ANO7: variants seen among roughly 807,000 people sequenced by gnomAD.
ANO7 encodes anoctamin-7.
A neutral mutation model predicts 115.8 loss-of-function variants in ANO7; 114 were observed. That is an observed-to-expected ratio of 0.98 (90% CI 0.85 to 1.15). The LOEUF is 1.15. Ranked by LOEUF, ANO7 falls within the 50% of genes most tolerant of loss-of-function variation. The pLI is 0.00. For missense variants in ANO7, 1,302 were observed against 1,201.2 expected, an observed-to-expected ratio of 1.08 and a Z score of -1.24; for synonymous variants, 550 against 498.2, an observed-to-expected ratio of 1.10 and a Z score of -1.38.
chr2:241,189,520 G>A (rs1229611774), intron 1 of ANO7, among the ~76,000 whole-genome samples: 2 of 152,128 alleles, frequency 1.3e-5, no homozygotes, highest in African/African-American at 4.8e-5. Flanking sequence ...GGTGCGGGAG[G>A]AAGCTGGGAC....
the ANO7 span, chr2:241,236,591 G>C: frequency 6.2e-7 from 1 of 1,612,226 alleles, no homozygotes; most frequent in Non-Finnish European, 8.5e-7. Flanking sequence ...GGCGGGGGGT[G>C]GAGGGGGGCA....
chr2:241,217,916 G>T lies in ANO7; in HGVS notation c.2178+25G>T. On this transcript the variant is annotated intron_variant, in intron 20 of 24. Transcript: ENST00000674324. ...CGTGAGGCCCGGGCGGGAGCGCGGG[G>T]CGGGGCGGGGGCGCGCAGGGGCGGG... The T allele has an allele frequency of 2.2e-6, 3 of 1,379,048 alleles. No individual in the cohort carries two copies. In the South Asian group the frequency reaches 4.1e-5, roughly 19 times the overall value. 85.4% of individuals were successfully genotyped at this position (1,379,048 alleles called of 1,614,324 possible).
intron 11 of ANO7, 118 bp from the exon 12 acceptor site, chr2:241,209,167 T>C (rs769781328): frequency 3.0e-5 from 38 of 1,247,692 alleles, no homozygotes; most frequent in Non-Finnish European, 4.0e-5. Flanking sequence ...AAACAAAAAA[T>C]ACACAGTCGG....
chr2:241,222,898 T>G (rs1182899426), intron 21 of ANO7, among the ~76,000 whole-genome samples: 1 of 152,174 alleles, frequency 6.6e-6, no homozygotes, highest in East Asian at 1.9e-4. Context: ...CTGTCACATC[T>G]ACTAGAAAAT....
At chr2:241,236,267 C>T in the ANO7 span, 2 of 317,458 alleles carry the variant, frequency 6.3e-6, no homozygotes, top group South Asian at 4.2e-5. Flanking sequence ...GGCCTGATAA[C>T]CCCACTCACG....
chr2:241,201,790 C>T (rs2068478682), intron 7 of ANO7, among the ~76,000 whole-genome samples: 1 of 152,004 alleles, frequency 6.6e-6, no homozygotes, highest in South Asian at 2.1e-4. Context: ...CCACAGGGCA[C>T]ACAGTCACGT....
Position 241,188,993 on chromosome 2 carries a change from G to A in ANO7, c.-8+227G>A, listed in dbSNP as rs2068122756. 6.6e-6 allele frequency among the ~76,000 whole-genome samples: 1 copy of A among 152,220 alleles called. No homozygotes were observed. Among genetic ancestry groups the A allele is most frequent in the African/African-American group, 2.4e-5 (1 of 41,464 alleles). On this transcript the variant is annotated intron_variant, in intron 1 of 24. Transcript: ENST00000674324. This position sits in a 1 kb window ranked among gnomAD's most constrained non-coding sequence, Gnocchi z 4.3. ...CCCAGCTGGGGTTGGCTTCCTGCCT[G>A]CCCAGGGGCTCCCCCATGGAGCAGG...
chr2:241,212,553 G>A lies in ANO7; in HGVS notation c.1674-19G>A. 1 of 1,611,438 alleles carries A rather than the reference G, an allele frequency of 6.2e-7. No homozygotes were observed. The highest frequency in any genetic ancestry group is 8.5e-7 in the Non-Finnish European group (1 of 1,178,760). On this transcript the variant is annotated intron_variant, in intron 16 of 24. Transcript: ENST00000674324. Reference sequence around the variant, plus strand: ...CAGGAAGGATCCCATCAAGGCTCATGATCTTGACTTTCTCCTAGGTTTGTG... The same window carrying A: ...CAGGAAGGATCCCATCAAGGCTCATAATCTTGACTTTCTCCTAGGTTTGTG...
intron 1 of ANO7, 56 bp from the exon 2 acceptor site, chr2:241,190,001 G>A (rs952261493): frequency 1.1e-5 from 15 of 1,380,878 alleles, no homozygotes; most frequent in African/African-American, 4.3e-5. Context: ...CCCCAGGAAC[G>A]GGTCTCACCC....
At chr2:241,238,717 G>A in the ANO7 span, 1 of 1,591,734 alleles carries the variant, frequency 6.3e-7, no homozygotes, top group South Asian at 1.1e-5. The surrounding 1 kb of genome is among the most constrained non-coding windows in gnomAD (Gnocchi z 4.9). Flanking sequence ...CTGGATTCTG[G>A]AACCTTTGGG....
rs577025907 is a variant in ANO7, at chr2:241,224,600, C to T, written c.*447C>T. ...CTCCCTCGTGTCCTCTGGACCCACC[C>T]GCCCCTTCCTGCCCTGTTTGCGCAG... On this transcript the variant is annotated 3_prime_UTR_variant, in exon 25 of 25. Coordinates refer to ENST00000674324, the MANE Select transcript of ANO7 (RefSeq NM_001370694.2). 13 of 177,072 alleles carry T rather than the reference C, an allele frequency of 7.3e-5. No individual in the cohort carries two copies. The highest frequency in any genetic ancestry group is 5.3e-4 in the South Asian group (4 of 7,550). The allele number at this position is 177,072 out of a possible 1,614,324, so 11.0% of individuals were successfully genotyped here. A position where few individuals can be genotyped will look rare whatever the true frequency, so the allele number is the denominator to read the frequency against.
At chr2:241,221,474 G>A (rs1559458525) in intron 21 of ANO7, among the ~76,000 whole-genome samples, 1 of 151,728 alleles carries the variant, frequency 6.6e-6, no homozygotes, top group Non-Finnish European at 1.5e-5. Flanking sequence ...CGCCTCCTGG[G>A]TTCTTGTGCA....
At chr2:241,223,512 C>T in intron 22 of ANO7, 150 bp from the exon 23 acceptor site, 1 of 1,285,270 alleles carries the variant, frequency 7.8e-7, no homozygotes, top group Non-Finnish European at 1.1e-6. Flanking sequence ...GCTGGGGTGG[C>T]CTCTGCCCCT....
Position 241,216,127 on chromosome 2 carries a change from C to G in ANO7, c.1861C>G (p.Arg621Gly). The change falls in exon 19 of 25, where the codon CGC becomes GGC. Residue 621 changes from arginine to glycine, a missense_variant. By Grantham distance (125) the Arg-to-Gly change is moderately radical (BLOSUM62 -2). Transcript: ENST00000674324. ...LKGWWQKFRL[R>G]SKKRKAGASA... is the part of the protein sequence containing the mutation. ...GGGCTGGTGGCAGAAGTTCCGGCTT[C>G]GCTCCAAGAAGAGGAAGGCGGGAGC... 1 of 1,612,448 alleles carries G rather than the reference C, an allele frequency of 6.2e-7. No homozygotes were observed. The highest frequency in any genetic ancestry group is 1.1e-5 in the South Asian group (1 of 90,944).
chr2:241,220,893 C>T (rs1331796315), intron 21 of ANO7, among the ~76,000 whole-genome samples: 4 of 148,082 alleles, frequency 2.7e-5, no homozygotes, highest in Non-Finnish European at 4.5e-5. Flanking sequence ...ATCATTTCAA[C>T]TCGGGAGGCG....
intron 3 of ANO7, among the ~76,000 whole-genome samples, chr2:241,193,038 A>T (rs1225315384): frequency 1.3e-5 from 2 of 151,730 alleles, no homozygotes; most frequent in African/African-American, 4.8e-5. Context: ...TGTGGTTAAG[A>T]TGGTTTTTTG....
chr2:241,194,604 C>T (rs1261376919), intron 3 of ANO7, among the ~76,000 whole-genome samples: 1 of 152,200 alleles, frequency 6.6e-6, no homozygotes, highest in Non-Finnish European at 1.5e-5. Context: ...AGGCGTGAGC[C>T]ACCAAACCCA....
chr2:241,210,683 C>T (rs948040855), intron 15 of ANO7, 113 bp downstream of exon 15: 1 of 887,958 alleles, frequency 1.1e-6, no homozygotes, highest in South Asian at 1.5e-5. Flanking sequence ...CTATTTCTTT[C>T]TTCTTTTTTC....
the ANO7 span, among the ~76,000 whole-genome samples, chr2:241,239,366 TTC>T: frequency 7.2e-5 from 11 of 152,080 alleles, no homozygotes; most frequent in African/African-American, 1.2e-4. The surrounding 1 kb of genome is among the most constrained non-coding windows in gnomAD (Gnocchi z 4.6). Flanking sequence ...CCTCTTCTCC[TTC>T]TCTCTCTCTT....
Sources: gnomAD v4.1 joint callset for allele counts (sites outside exome capture counted in the v4.1 genomes callset) on GRCh38, gnomAD v4.1.1 for gene constraint, Gnocchi (gnomAD v3.1) non-coding constraint, MANE v1.5 for transcripts, NCBI Gene and HGNC (gene_info 2026-07-23, HGNC 2026-07-21) for gene names.